The following SH3KBP1 variants were observed in gnomAD, a reference collection of about 807,000 sequenced individuals.
SH3KBP1 encodes the protein SH3 domain-containing kinase-binding protein 1.
In SH3KBP1, 8 loss-of-function variants were observed where a neutral mutation model predicts 50.1. The ratio of observed to expected loss-of-function variants is 0.16; its 90% CI spans 0.09 to 0.29. SH3KBP1 has a LOEUF of 0.29. Among genes scored for constraint, SH3KBP1 ranks in the 10% least tolerant of loss-of-function variants. The probability of loss-of-function intolerance (pLI) is 1.00; values close to 1 mark genes in which losing one functional copy is unlikely to be tolerated. For missense variants in SH3KBP1, 377 were observed against 535.2 expected (o/e 0.70, Z 2.92); for synonymous variants, 227 against 218.6 (o/e 1.04, Z -0.34).
chrX:19,703,696 CTGTGTGTGTGTGTGTGTGTGTGTGTGTG>C (rs56915755), intron 4 of SH3KBP1, among the ~76,000 whole-genome samples: 68 of 63,504 alleles, frequency 1.1e-3, no homozygotes, highest in South Asian at 2.4e-3. Flanking sequence ...AAAAGAGAAA[CTGTGTGTGTGTGTGTGTGTGTGTGTGTG>C]TGTGTGTGTG....
chrX:19,853,816 G>A (rs1437936578), intron 1 of SH3KBP1, among the ~76,000 whole-genome samples: 4 of 110,329 alleles, frequency 3.6e-5, no homozygotes, highest in African/African-American at 1.3e-4. Context: ...TACAAAATTA[G>A]CCGGGCGTGG....
At chrX:19,795,100 AT>A (rs776738341) in intron 2 of SH3KBP1, among the ~76,000 whole-genome samples, 1 of 112,050 alleles carries the variant, frequency 8.9e-6, no homozygotes, top group East Asian at 2.8e-4. Flanking sequence ...ATGTTACGAT[AT>A]TCGCTCCCTT....
intron 2 of SH3KBP1, among the ~76,000 whole-genome samples, chrX:19,770,207 A>C (rs1310406028): frequency 1.8e-5 from 2 of 110,470 alleles, no homozygotes; most frequent in Non-Finnish European, 3.8e-5. Context: ...TCCACCCTCT[A>C]CCCTTAAGTA....
At chrX:19,737,758 AC>A (rs1436157138) in intron 3 of SH3KBP1, among the ~76,000 whole-genome samples, 49 of 112,062 alleles carry the variant, frequency 4.4e-4, no homozygotes, top group Non-Finnish European at 4.9e-4. Context: ...CAAAGCCCAG[AC>A]TAGGACTTCC....
At chrX:19,755,731 G>A (rs1239144540) in intron 2 of SH3KBP1, among the ~76,000 whole-genome samples, 1 of 112,311 alleles carries the variant, frequency 8.9e-6, no homozygotes, top group Non-Finnish European at 1.9e-5. Context: ...AACCAGACCT[G>A]AAACTAGGCC....
chrX:19,708,562 T>C (rs1469071423), intron 3 of SH3KBP1, among the ~76,000 whole-genome samples: 1 of 111,310 alleles, frequency 9.0e-6, no homozygotes, highest in Non-Finnish European at 1.9e-5. Context: ...GGTATTCCGA[T>C]GCAAAGAACG....
At position 19,667,022 on chromosome X, in the gene SH3KBP1, C is replaced by T. The variant is rs769373007; in HGVS notation, c.726+16801G>A. On this transcript the variant is annotated intron_variant, in intron 6 of 17. Coordinates refer to ENST00000397821, the MANE Select transcript of SH3KBP1 (RefSeq NM_031892.3). ...ATGAAATAATACTCAGCCTTAAAAA[C>T]GAAAGAAATTCTGATATGTGCCACA... is the stretch of plus-strand genomic sequence containing the variant. Among the ~76,000 whole-genome samples the T allele has an allele frequency of 1.8e-4, 20 of 112,065 alleles. No individual in the cohort carries two copies. The South Asian group carries it at 4.0e-3, about 23-fold the overall frequency.
At chrX:19,559,520 G>A (rs1237870685) in intron 13 of SH3KBP1, among the ~76,000 whole-genome samples, 3 of 107,493 alleles carry the variant, frequency 2.8e-5, no homozygotes, top group South Asian at 4.2e-4. Flanking sequence ...TAGTAGAGAC[G>A]GGATTTCACC....
At chrX:19,617,593 G>A (rs928323427) in intron 8 of SH3KBP1, among the ~76,000 whole-genome samples, 1 of 112,686 alleles carries the variant, frequency 8.9e-6, no homozygotes, top group African/African-American at 3.2e-5. Context: ...GGAAGGTGAA[G>A]TATTCCCTAA....
chrX:19,734,420 C>T (rs2064473563), intron 3 of SH3KBP1, among the ~76,000 whole-genome samples: 1 of 111,511 alleles, frequency 9.0e-6, no homozygotes, highest in Admixed American at 9.5e-5. Context: ...ACATCTTGTC[C>T]CTCAGCTGTG....
chrX:19,715,691 G>A (rs4239993), intron 3 of SH3KBP1, among the ~76,000 whole-genome samples: 30,567 of 111,268 alleles, frequency 0.27, 4,711 homozygotes, highest in African/African-American at 0.59. Context: ...TCCTACATTC[G>A]GTGTCTTTTC....
intron 8 of SH3KBP1, among the ~76,000 whole-genome samples, chrX:19,623,386 G>A (rs1449991852): frequency 8.9e-6 from 1 of 111,888 alleles, no homozygotes; most frequent in African/African-American, 3.3e-5. Flanking sequence ...TTTAAAGTAT[G>A]ACTTAAAAGT....
At chrX:19,540,920 CT>C (rs771269101) in intron 16 of SH3KBP1, among the ~76,000 whole-genome samples, 176 of 103,425 alleles carry the variant, frequency 1.7e-3, no homozygotes, top group Middle Eastern at 4.8e-3. Flanking sequence ...TGCCTCCCTA[CT>C]TTTTTTTTTT....
At chrX:19,596,136 A>G (rs1166780042) in intron 9 of SH3KBP1, among the ~76,000 whole-genome samples, 1 of 111,535 alleles carries the variant, frequency 9.0e-6, no homozygotes, top group Non-Finnish European at 1.9e-5. Context: ...TTTACCTAAC[A>G]AAAGTATCAG....
At chrX:19,773,581 G>C (rs111594392) in intron 2 of SH3KBP1, among the ~76,000 whole-genome samples, 2,255 of 109,279 alleles carry the variant, frequency 0.021, 54 homozygotes, top group African/African-American at 0.064. Context: ...TTTCAGCCAG[G>C]CGCAGCGGCT....
chrX:19,802,784 G>T (rs2066930804), intron 2 of SH3KBP1, among the ~76,000 whole-genome samples: 1 of 111,212 alleles, frequency 9.0e-6, no homozygotes, highest in African/African-American at 3.3e-5. Flanking sequence ...ACCACAACGG[G>T]TTGGAAAAGT....
intron 3 of SH3KBP1, chrX:19,740,757 A>G (rs1279718738): frequency 3.0e-6 from 1 of 328,009 alleles, no homozygotes; most frequent in Non-Finnish European, 6.2e-6. Context: ...CTAAGGACAT[A>G]CTTCTTTCCA....
chrX:19,613,175 G>A (rs1249589547), intron 8 of SH3KBP1, among the ~76,000 whole-genome samples: 1 of 112,298 alleles, frequency 8.9e-6, no homozygotes, highest in Non-Finnish European at 1.9e-5. Context: ...GGATGGTGAG[G>A]CAGTAGCTGA....
intron 6 of SH3KBP1, among the ~76,000 whole-genome samples, chrX:19,668,162 C>T (rs1340953465): frequency 5.4e-5 from 6 of 111,155 alleles, no homozygotes; most frequent in African/African-American, 2.0e-4. Flanking sequence ...ATAACTTCAT[C>T]ATTTAATGAA....
Sources: gnomAD v4.1 joint callset for allele counts (sites outside exome capture counted in the v4.1 genomes callset) on GRCh38, gnomAD v4.1.1 for gene constraint, MANE v1.5 for transcripts, NCBI Gene and HGNC (gene_info 2026-07-23, HGNC 2026-07-21) for gene names.